AP3S2: variants seen among roughly 807,000 people sequenced by gnomAD.
The protein encoded by AP3S2 is AP-3 complex subunit sigma-2.
Under a neutral mutation model 23.4 loss-of-function variants are expected in AP3S2, and 22 were observed. That is an observed-to-expected ratio of 0.94 (90% CI 0.67 to 1.34). The LOEUF (loss-of-function observed/expected upper bound fraction) is 1.34, where lower values mean the gene tolerates loss of function less well. Ranked by LOEUF, AP3S2 falls within the 40% of genes most tolerant of loss-of-function variation. The probability of loss-of-function intolerance (pLI) is 0.00; values close to 1 mark genes in which losing one functional copy is unlikely to be tolerated. For missense variants in AP3S2, 241 were observed against 236.9 expected (o/e 1.02, Z -0.11); for synonymous variants, 86 against 87.1 (o/e 0.99, Z 0.07).
At chr15:89,858,493 A>AGAGAG (rs1596200467) in intron 4 of AP3S2, among the ~76,000 whole-genome samples, 61 of 60,200 alleles carry the variant, frequency 1.0e-3, no homozygotes, top group Admixed American at 1.6e-3. Flanking sequence ...GAAAGAAAGA[A>AGAGAG]AGAGAGAGAG....
At chr15:89,842,624 T>C (rs898361070) in intron 4 of AP3S2, among the ~76,000 whole-genome samples, 3 of 152,230 alleles carry the variant, frequency 2.0e-5, no homozygotes, top group African/African-American at 7.2e-5. Context: ...ATTTTTATTT[T>C]TATTTTTGAG....
intron 4 of AP3S2, among the ~76,000 whole-genome samples, chr15:89,851,338 ATCT>A (rs559675881): frequency 1.3e-4 from 19 of 151,242 alleles, no homozygotes; most frequent in South Asian, 1.3e-3. Flanking sequence ...CTACTAATTC[ATCT>A]TCTTTTTTTT....
chr15:89,893,531 C>T lies in AP3S2; in HGVS notation c.69+350G>A, dbSNP rs1229337618. ...TTCTTCCTCATGAAACTGTGGTCAA[C>T]AACCAAAAAGATGACAGAATGTGAC... On this transcript the variant is annotated intron_variant, in intron 1 of 5. Transcript: ENST00000336418. The T allele has an allele frequency of 7.5e-6, 3 of 401,908 alleles. No individual in the cohort carries two copies. The East Asian group carries it at 1.1e-4, about 14-fold the overall frequency. 24.9% of individuals were successfully genotyped at this position (401,908 alleles called of 1,614,324 possible).
At chr15:89,872,052 G>A (rs1896331257) in intron 3 of AP3S2, among the ~76,000 whole-genome samples, 5 of 151,344 alleles carry the variant, frequency 3.3e-5, no homozygotes, top group Admixed American at 3.3e-4. Flanking sequence ...ATTTGAGGTG[G>A]AGGTTGCCAT....
At chr15:89,849,842 G>C (rs944991226) in intron 4 of AP3S2, among the ~76,000 whole-genome samples, 1 of 151,732 alleles carries the variant, frequency 6.6e-6, no homozygotes, top group Non-Finnish European at 1.5e-5. Context: ...CCCTACCCCC[G>C]AGAGGTGCTG....
At chr15:89,885,662 A>C (rs10852123) in intron 3 of AP3S2, among the ~76,000 whole-genome samples, 121,822 of 152,164 alleles carry the variant, frequency 0.8, 49,229 homozygotes, top group African/African-American at 0.92. Flanking sequence ...CAAAGATCAG[A>C]TGGGTCCAGT....
intron 4 of AP3S2, among the ~76,000 whole-genome samples, chr15:89,847,326 T>C (rs1331489200): frequency 7.9e-6 from 1 of 127,096 alleles, no homozygotes; most frequent in African/African-American, 3.1e-5. Flanking sequence ...AAGACTTCAG[T>C]GATTGCACCA....
intron 3 of AP3S2, among the ~76,000 whole-genome samples, chr15:89,879,021 C>T (rs756245808): frequency 4.6e-5 from 7 of 152,238 alleles, no homozygotes; most frequent in Non-Finnish European, 1.0e-4. Context: ...GTTGGGATTA[C>T]GGGCGTGGGC....
chr15:89,884,084 T>A (rs768477992), intron 3 of AP3S2: 1 of 154,050 alleles, frequency 6.5e-6, no homozygotes, highest in East Asian at 1.9e-4. Context: ...GCCTCTGAAT[T>A]CTGAACCACA....
At chr15:89,835,691 T>G in intron 5 of AP3S2, 48 bp from the exon 6 acceptor site, 1 of 1,441,436 alleles carries the variant, frequency 6.9e-7, no homozygotes, top group Non-Finnish European at 9.1e-7. Flanking sequence ...CACTGTTATC[T>G]GCTTAATGCT....
At chr15:89,875,946 A>G (rs1313886765) in intron 3 of AP3S2, among the ~76,000 whole-genome samples, 2 of 152,180 alleles carry the variant, frequency 1.3e-5, no homozygotes, top group African/African-American at 2.4e-5. Context: ...TGCTGTCTCA[A>G]TAAATAAATA....
At chr15:89,867,702 A>C (rs367871889) in intron 4 of AP3S2, among the ~76,000 whole-genome samples, 6 of 122,150 alleles carry the variant, frequency 4.9e-5, no homozygotes, top group African/African-American at 9.6e-5. Context: ...TGCCCGGCCG[A>C]GACCCCGTCT....
intron 3 of AP3S2, among the ~76,000 whole-genome samples, chr15:89,872,595 C>T (rs941202922): frequency 3.9e-5 from 6 of 152,138 alleles, no homozygotes; most frequent in African/African-American, 9.7e-5. Context: ...ATGAATTGTT[C>T]GGCACTGCAT....
In AP3S2 at chr15:89,835,483, T is replaced by C. The variant is rs1299587632; in HGVS notation, c.*32A>G. On this transcript the variant is annotated 3_prime_UTR_variant, in exon 6 of 6. Coordinates refer to ENST00000336418, the MANE Select transcript of AP3S2 (RefSeq NM_005829.5). Reference sequence around the variant, plus strand: ...TTGCCTTGCTTGTCTTTGCTTGTCTTAAGGACTCTATTTCAGGCCAATACT... The same window carrying C: ...TTGCCTTGCTTGTCTTTGCTTGTCTCAAGGACTCTATTTCAGGCCAATACT... The C allele has an allele frequency of 6.2e-7, 1 of 1,612,608 alleles. No homozygotes were observed. The highest frequency in any genetic ancestry group is 1.3e-5 in the African/African-American group (1 of 74,784).
chr15:89,843,350 T>C (rs974431019), intron 4 of AP3S2, among the ~76,000 whole-genome samples: 1 of 149,008 alleles, frequency 6.7e-6, no homozygotes, highest in Non-Finnish European at 1.5e-5. Context: ...GGAAAAACTA[T>C]GGCAGGGCCA....
At chr15:89,866,487 C>CTT (rs926497551) in intron 4 of AP3S2, among the ~76,000 whole-genome samples, 1 of 138,246 alleles carries the variant, frequency 7.2e-6, no homozygotes, top group African/African-American at 2.6e-5. Context: ...AGACAACTTC[C>CTT]TTTTTTTTTT....
At chr15:89,835,770 G>A (rs1567170987) in intron 5 of AP3S2, 127 bp from the exon 6 acceptor site, 16 of 1,408,004 alleles carry the variant, frequency 1.1e-5, no homozygotes, top group South Asian at 1.5e-5. Context: ...GCTCACGCCT[G>A]TAATCCCAGC....
intron 1 of AP3S2, among the ~76,000 whole-genome samples, chr15:89,889,846 A>G (rs1224687596): frequency 7.0e-6 from 1 of 142,498 alleles, no homozygotes; most frequent in Non-Finnish European, 1.5e-5. Context: ...CATGGGCGAC[A>G]GAGTGAGACT....
In AP3S2 at chr15:89,846,938, T is replaced by C. The variant is rs900829210; in HGVS notation, c.346-9216A>G. Among the ~76,000 whole-genome samples, 26 of 152,210 alleles carry C rather than the reference T, an allele frequency of 1.7e-4. 1 individual carries two copies. Among genetic ancestry groups the C allele is most frequent in the Non-Finnish European group, 2.1e-4 (14 of 68,024 alleles). ...CGCCCACCTCAGCCTCCCAAAGTGC[T>C]GGGATTACAGGTGTGAGCCACCTCG... On this transcript the variant is annotated intron_variant, in intron 4 of 5. Coordinates refer to ENST00000336418, the MANE Select transcript of AP3S2 (RefSeq NM_005829.5).
Sources: gnomAD v4.1 joint callset for allele counts (sites outside exome capture counted in the v4.1 genomes callset) on GRCh38, gnomAD v4.1.1 for gene constraint, MANE v1.5 for transcripts, NCBI Gene and HGNC (gene_info 2026-07-23, HGNC 2026-07-21) for gene names.